Variants in DPP10 observed in about 807,000 individuals in gnomAD.
DPP10 encodes inactive dipeptidyl peptidase 10.
Under a neutral mutation model 120.9 loss-of-function variants are expected in DPP10, and 33 were observed. The ratio of observed to expected loss-of-function variants is 0.27; its 90% CI spans 0.21 to 0.37. DPP10 has a LOEUF of 0.37. Ranked by LOEUF, DPP10 falls within the 10% of genes least tolerant of loss-of-function variation. The pLI is 1.00. For missense variants in DPP10, 816 were observed against 942.8 expected (o/e 0.87, Z 1.76); for synonymous variants, 337 against 326.1 (o/e 1.03, Z -0.36).
At chr2:114,540,731 G>C (rs1288072168) in intron 1 of DPP10, among the ~76,000 whole-genome samples, 1 of 152,182 alleles carries the variant, frequency 6.6e-6, no homozygotes, top group African/African-American at 2.4e-5. Context: ...AGGAAAAGGA[G>C]TCTAAACTGA....
chr2:115,445,247 T>G (rs2072468931), intron 3 of DPP10, among the ~76,000 whole-genome samples: 1 of 152,114 alleles, frequency 6.6e-6, no homozygotes, highest in African/African-American at 2.4e-5. Flanking sequence ...TATAGGAGTG[T>G]GAAAACAGAC....
intron 3 of DPP10, among the ~76,000 whole-genome samples, chr2:115,434,343 C>T (rs1235552996): frequency 1.3e-5 from 2 of 151,758 alleles, no homozygotes; most frequent in Non-Finnish European, 2.9e-5. Flanking sequence ...TTTTATTAAA[C>T]GTAGTTGACT....
rs111370779 is a variant in DPP10 at position 115,834,958 on chromosome 2, C to G, written c.1951-1199C>G. On this transcript the variant is annotated intron_variant, in intron 21 of 25. Coordinates refer to ENST00000410059, the MANE Select transcript of DPP10 (RefSeq NM_020868.6). ...AAAAATTAGCCGGGCTGGTGGCGGG[C>G]GCCTGTGGTCCCAGCTGCTCGGGAG... Among the ~76,000 whole-genome samples, 14 of 152,044 alleles carry G rather than the reference C, an allele frequency of 9.2e-5. No individual in the cohort carries two copies. In the East Asian group the frequency reaches 2.7e-3, roughly 30 times the overall value.
chr2:115,791,903 C>T (rs532208708), intron 19 of DPP10, among the ~76,000 whole-genome samples: 5 of 152,128 alleles, frequency 3.3e-5, no homozygotes, highest in Admixed American at 2.0e-4. Flanking sequence ...ACATCTAATG[C>T]GTAACTAACT....
intron 1 of DPP10, among the ~76,000 whole-genome samples, chr2:114,703,693 T>C (rs1312782962): frequency 6.6e-6 from 1 of 152,194 alleles, no homozygotes; most frequent in Non-Finnish European, 1.5e-5. Context: ...ACGATAAGTA[T>C]ACCAAATCTG....
intron 1 of DPP10, among the ~76,000 whole-genome samples, chr2:114,679,339 G>T (rs1698871734): frequency 6.6e-6 from 1 of 151,970 alleles, no homozygotes; most frequent in Non-Finnish European, 1.5e-5. Flanking sequence ...TCTACCTAGT[G>T]TAATACTAGA....
intron 9 of DPP10, among the ~76,000 whole-genome samples, chr2:115,742,631 A>C (rs1017515683): frequency 1.3e-5 from 2 of 152,222 alleles, no homozygotes; most frequent in East Asian, 3.9e-4. Context: ...TTTCAGTATC[A>C]TTTTGGGTAT....
chr2:114,958,626 A>G (rs1036715651), intron 1 of DPP10, among the ~76,000 whole-genome samples: 2 of 152,344 alleles, frequency 1.3e-5, no homozygotes, highest in Admixed American at 1.3e-4. Flanking sequence ...TTGACACATC[A>G]TATTGTACCC....
At position 114,891,885 on chromosome 2, in the gene DPP10, A is replaced by C. The variant is rs576179406; in HGVS notation, c.61-417354A>C. Among the ~76,000 whole-genome samples, 3 of 152,308 alleles carry C rather than the reference A, an allele frequency of 2.0e-5. No individual in the cohort carries two copies. In the South Asian group the frequency reaches 6.2e-4, roughly 32 times the overall value. On this transcript the variant is annotated intron_variant, in intron 1 of 25. Coordinates refer to ENST00000410059, the MANE Select transcript of DPP10 (RefSeq NM_020868.6). ...CTAATAGCACACGATATTTGAAATG[A>C]TGATTTATACTCCAGTCCTTCTTGA...
chr2:114,954,109 C>G (rs1698017020), intron 1 of DPP10, among the ~76,000 whole-genome samples: 2 of 116,188 alleles, frequency 1.7e-5, no homozygotes, highest in African/African-American at 6.7e-5. Context: ...GATACAGAGT[C>G]TCACTCTGTA....
intron 1 of DPP10, among the ~76,000 whole-genome samples, chr2:114,459,604 T>A (rs1678762365): frequency 6.6e-6 from 1 of 152,154 alleles, no homozygotes; most frequent in Non-Finnish European, 1.5e-5. Flanking sequence ...CCCCTCTGTA[T>A]TACAAGAGGC....
rs1690378244 is a variant in DPP10 at position 115,843,763 on chromosome 2, C to T, written c.*1418C>T. 1 of 152,302 alleles carries T rather than the reference C, an allele frequency of 6.6e-6. No homozygotes were observed. Among genetic ancestry groups the T allele is most frequent in the Admixed American group, 6.5e-5 (1 of 15,276 alleles). 9.4% of individuals were successfully genotyped at this position (152,302 alleles called of 1,614,324 possible). On this transcript the variant is annotated 3_prime_UTR_variant, in exon 26 of 26. Coordinates refer to ENST00000410059, the MANE Select transcript of DPP10 (RefSeq NM_020868.6). ...AAAGTCAGAATATCTTCTCACTTCA[C>T]TTAAGGGATCTTCCAGAAGATATCT...
chr2:114,456,072 G>A (rs1678570371), intron 1 of DPP10, among the ~76,000 whole-genome samples: 1 of 151,960 alleles, frequency 6.6e-6, no homozygotes, highest in African/African-American at 2.4e-5. Context: ...CTGACAGGTG[G>A]GTCTTTTCAA....
At chr2:114,907,274 TTCTC>T (rs1310448916) in intron 1 of DPP10, among the ~76,000 whole-genome samples, 2 of 152,028 alleles carry the variant, frequency 1.3e-5, no homozygotes, top group African/African-American at 2.4e-5. Context: ...TTTCTTGACT[TTCTC>T]TATTGTTTTT....
At chr2:115,738,441 A>G (rs1676862410) in intron 8 of DPP10, among the ~76,000 whole-genome samples, 1 of 152,060 alleles carries the variant, frequency 6.6e-6, no homozygotes, top group Non-Finnish European at 1.5e-5. Context: ...AAGTGCTACA[A>G]CACTTACTTG....
chr2:114,600,477 T>C (rs1692271243), intron 1 of DPP10, among the ~76,000 whole-genome samples: 2 of 151,816 alleles, frequency 1.3e-5, no homozygotes. Flanking sequence ...TAACAGCTGG[T>C]TTAAAGTCCT....
At chr2:115,684,429 C>T (rs1327644524) in intron 5 of DPP10, among the ~76,000 whole-genome samples, 4 of 151,856 alleles carry the variant, frequency 2.6e-5, no homozygotes, top group Non-Finnish European at 5.9e-5. Flanking sequence ...TACTGACTTC[C>T]AAGAGAAACC....
At chr2:114,956,229 T>A (rs1698189535) in intron 1 of DPP10, among the ~76,000 whole-genome samples, 1 of 152,110 alleles carries the variant, frequency 6.6e-6, no homozygotes, top group South Asian at 2.1e-4. Context: ...TCAGAACTAG[T>A]AAATTCAGTA....
In DPP10 at chr2:115,294,904, G is replaced by A. The variant is rs148656190; in HGVS notation, c.61-14335G>A. Among the ~76,000 whole-genome samples, 209 of 152,164 alleles carry A rather than the reference G, an allele frequency of 1.4e-3. 3 individuals carry two copies. In the East Asian group the frequency reaches 0.033, roughly 24 times the overall value. ...CTGTCCCTCCCCAACCCCTCCTCCC[G>A]ACACAGACACAGGTTGGTAGGATTT... On this transcript the variant is annotated intron_variant, in intron 1 of 25. Transcript: ENST00000410059.
Sources: allele counts gnomAD v4.1 joint callset (sites outside exome capture counted in the v4.1 genomes callset), GRCh38; gene constraint gnomAD v4.1.1; transcripts MANE v1.5; gene names NCBI Gene and HGNC (gene_info 2026-07-23, HGNC 2026-07-21).